The following EPAS1 variants were observed in gnomAD, a reference collection of about 807,000 sequenced individuals.
The protein encoded by EPAS1 is endothelial PAS domain protein 1, also known as endothelial PAS domain-containing protein 1.
A neutral mutation model predicts 87.9 loss-of-function variants in EPAS1; 23 were observed. The observed-to-expected ratio is 0.26, with a 90% CI of 0.19 to 0.37. The LOEUF is 0.37. Ranked by LOEUF, EPAS1 falls within the 10% of genes least tolerant of loss-of-function variation. The probability of loss-of-function intolerance (pLI) is 1.00; values close to 1 mark genes in which losing one functional copy is unlikely to be tolerated. For missense variants in EPAS1, 1,138 were observed against 1,120.7 expected, an observed-to-expected ratio of 1.02 and a Z score of -0.22; for synonymous variants, 508 against 444.3, an observed-to-expected ratio of 1.14 and a Z score of -1.80.
rs11125068 is a variant in EPAS1, at chr2:46,300,677, A to G, written c.26+2740A>G. ...GGGAAAAAAATGTGGAAATTCTGGG[A>G]TTCACGGGGTTTGAGGAGTGGTTCA... On this transcript the variant is annotated intron_variant, in intron 1 of 15. Transcript: ENST00000263734. The surrounding 1 kb of genome is among the most constrained non-coding windows in gnomAD (Gnocchi z 4.1). 0.61 allele frequency among the ~76,000 whole-genome samples: 93,341 copies of G among 151,864 alleles called. 29,015 individuals are homozygous for G. Among genetic ancestry groups the G allele is most frequent in the Middle Eastern group, 0.68 (200 of 292 alleles).
intron 9 of EPAS1, 110 bp from the exon 10 acceptor site, chr2:46,377,784 C>G (rs964652446): frequency 9.1e-6 from 14 of 1,540,248 alleles, no homozygotes; most frequent in Non-Finnish European, 1.1e-5. Flanking sequence ...TAGCCCCAGG[C>G]ATGCCTTCCA....
chr2:46,359,271 A>AAAAAAAAAAAAAAC, intron 4 of EPAS1, among the ~76,000 whole-genome samples: 1 of 148,298 alleles, frequency 6.7e-6, no homozygotes, highest in Non-Finnish European at 1.5e-5. Context: ...AAAAAAAAAA[A>AAAAAAAAAAAAAAC]AAAAAAAAAA....
chr2:46,326,423 C>T (rs1308043422), intron 1 of EPAS1, among the ~76,000 whole-genome samples: 9 of 152,076 alleles, frequency 5.9e-5, no homozygotes, highest in African/African-American at 1.7e-4. Context: ...GCTAGATCAC[C>T]TGCCTGGGGG....
At chr2:46,332,288 ATACGTGTGTG>A (rs1473157818) in intron 1 of EPAS1, among the ~76,000 whole-genome samples, 1 of 115,002 alleles carries the variant, frequency 8.7e-6, no homozygotes, top group Non-Finnish European at 1.8e-5. Context: ...AAAAAAAAAA[ATACGTGTGTG>A]TGTGTGTGTG....
intron 11 of EPAS1, among the ~76,000 whole-genome samples, chr2:46,379,507 C>T (rs1264527734): frequency 6.6e-6 from 1 of 152,220 alleles, no homozygotes; most frequent in Non-Finnish European, 1.5e-5. Context: ...TCATGTGGCA[C>T]TTAATCACAG....
rs934783548 is a variant in EPAS1, at chr2:46,376,459, T to C, written c.1035-80T>C. On this transcript the variant is annotated intron_variant, in intron 8 of 15. Transcript: ENST00000263734. ...CATTTTTTGTCGGAGAGCTTAGCTA[T>C]GAGGGTTTCCATGCATCTAGGGGAG... 2.1e-6 allele frequency: 3 copies of C among 1,396,456 alleles called. No homozygotes were observed. The Admixed American group carries it at 5.0e-5, about 23-fold the overall frequency. 86.5% of individuals were successfully genotyped at this position (1,396,456 alleles called of 1,614,324 possible). A position where few individuals can be genotyped will look rare whatever the true frequency, so the allele number is the denominator to read the frequency against.
rs530716935 is a variant in EPAS1, at chr2:46,366,464, C to T, written c.780-3363C>T. 1.3e-4 allele frequency among the ~76,000 whole-genome samples: 20 copies of T among 152,300 alleles called. No homozygotes were observed. The East Asian group carries it at 3.7e-3, about 28-fold the overall frequency. The stretch of plus-strand genomic sequence containing the variant: ...CCTTTAAAGCTGTATTTTCTATTTC[C>T]TTTCATCCTTCCTCTGCCTCCTTGT... On this transcript the variant is annotated intron_variant, in intron 6 of 15. Coordinates refer to ENST00000263734, the MANE Select transcript of EPAS1 (RefSeq NM_001430.5).
intron 6 of EPAS1, 91 bp from the exon 7 acceptor site, chr2:46,369,733 GTTT>G (rs1684585310): frequency 1.2e-6 from 1 of 840,158 alleles, no homozygotes; most frequent in Non-Finnish European, 2.0e-6. Context: ...GCATGTGTGT[GTTT>G]GATTTGCCTT....
chr2:46,376,374 A>T (rs114474908), intron 8 of EPAS1, among the ~76,000 whole-genome samples, 165 bp from the exon 9 acceptor site: 1 of 152,132 alleles, frequency 6.6e-6, no homozygotes, highest in African/African-American at 2.4e-5. Flanking sequence ...CACTACCTCC[A>T]TGGCTCACAC....
intron 6 of EPAS1, among the ~76,000 whole-genome samples, chr2:46,363,539 C>G (rs1248319116): frequency 6.6e-6 from 1 of 152,096 alleles, no homozygotes; most frequent in African/African-American, 2.4e-5. Flanking sequence ...AAGGTACTAA[C>G]CTTTGGACAA....
intron 15 of EPAS1, among the ~76,000 whole-genome samples, chr2:46,384,225 A>G (rs974235714): frequency 6.6e-6 from 1 of 152,220 alleles, no homozygotes; most frequent in Non-Finnish European, 1.5e-5. Flanking sequence ...GCCAGGAGGC[A>G]TGGGGGTCAG....
In EPAS1 at chr2:46,377,886, C is replaced by G. The variant is rs1684791761; in HGVS notation, c.1250-8C>G. 26 of 1,552,046 alleles carry G rather than the reference C, an allele frequency of 1.7e-5. No individual in the cohort carries two copies. Among genetic ancestry groups the G allele is most frequent in the Non-Finnish European group, 2.2e-5 (25 of 1,147,132 alleles). ...GGGTGTTCACCTCCCAGGCCCTTGT[C>G]TCCACAGGGAATCAGAACTTCGAGG... On this transcript the variant is annotated splice_region_variant and splice_polypyrimidine_tract_variant and intron_variant, in intron 9 of 15. Coordinates refer to ENST00000263734, the MANE Select transcript of EPAS1 (RefSeq NM_001430.5).
At chr2:46,363,150 C>T (rs80352959) in intron 6 of EPAS1, among the ~76,000 whole-genome samples, 2,160 of 152,308 alleles carry the variant, frequency 0.014, 52 homozygotes, top group African/African-American at 0.049. Context: ...GAAGACACAG[C>T]TTTGTGTACC....
At chr2:46,317,676 C>T (rs1683369412) in intron 1 of EPAS1, among the ~76,000 whole-genome samples, 1 of 152,184 alleles carries the variant, frequency 6.6e-6, no homozygotes. Context: ...TGACTTCTCC[C>T]CTCTTGCAGT....
In EPAS1 at chr2:46,351,303, C is replaced by G. The variant is rs144755444; in HGVS notation, c.217+4240C>G. 4.2e-3 allele frequency among the ~76,000 whole-genome samples: 633 copies of G among 152,276 alleles called. 1 individual carries two copies. Among genetic ancestry groups the G allele is most frequent in the African/African-American group, 0.015 (615 of 41,548 alleles). On this transcript the variant is annotated intron_variant, in intron 2 of 15. Coordinates refer to ENST00000263734, the MANE Select transcript of EPAS1 (RefSeq NM_001430.5). ...TGCTGAACCCAGTCCTGTACTACAT[C>G]AAGGGTAATACAGAGAGGCAAGATA... is the stretch of plus-strand genomic sequence containing the variant.
At chr2:46,332,292 G>GTC (rs1491201695) in intron 1 of EPAS1, among the ~76,000 whole-genome samples, 10 of 35,134 alleles carry the variant, frequency 2.8e-4, no homozygotes, top group Middle Eastern at 8.2e-3. Flanking sequence ...AAAAAAATAC[G>GTC]TGTGTGTGTG....
intron 1 of EPAS1, among the ~76,000 whole-genome samples, chr2:46,303,082 GAA>G (rs1320918998): frequency 6.6e-6 from 1 of 152,044 alleles, no homozygotes; most frequent in African/African-American, 2.4e-5. Flanking sequence ...AAGAAAGAAA[GAA>G]AAGAAAGAAA....
Position 46,380,256 on chromosome 2 carries a change from A to G in EPAS1, c.1584A>G (p.Thr528=), listed in dbSNP as rs200341219. ...QTDFNELDLE[T]LAPYIPMDGE... The stretch of plus-strand genomic sequence containing the variant: ...ATTTCAATGAGCTGGACTTGGAGAC[A>G]CTGGCACCCTATATCCCCATGGACG... The change falls in exon 12 of 16, where the codon ACA becomes ACG. Residue 528 remains threonine (T), a synonymous_variant. Transcript: ENST00000263734. This position sits in a 1 kb window ranked among gnomAD's most constrained non-coding sequence, Gnocchi z 4.4. The G allele has an allele frequency of 6.2e-7, 1 of 1,613,354 alleles. No individual in the cohort carries two copies. The highest frequency in any genetic ancestry group is 8.5e-7 in the Non-Finnish European group (1 of 1,179,994).
At chr2:46,304,731 G>C (rs1683074775) in intron 1 of EPAS1, among the ~76,000 whole-genome samples, 1 of 152,054 alleles carries the variant, frequency 6.6e-6, no homozygotes, top group African/African-American at 2.4e-5. Flanking sequence ...TTCAGCCTTC[G>C]GACTCCATTG....
Sources: gnomAD v4.1 joint callset for allele counts (sites outside exome capture counted in the v4.1 genomes callset) on GRCh38, gnomAD v4.1.1 for gene constraint, Gnocchi (gnomAD v3.1) non-coding constraint, MANE v1.5 for transcripts, NCBI Gene and HGNC (gene_info 2026-07-23, HGNC 2026-07-21) for gene names.